TSNARE1: variants seen among roughly 807,000 people sequenced by gnomAD.
TSNARE1 encodes the protein t-SNARE domain containing 1.
In TSNARE1, 49 loss-of-function variants were observed where a neutral mutation model predicts 62.0. That is an observed-to-expected ratio of 0.79 (90% CI 0.63 to 1.00). The LOEUF is 1.00. Among genes scored for constraint, TSNARE1 ranks in the 50% least tolerant of loss-of-function variants. TSNARE1 has a pLI of 0.00. For missense variants in TSNARE1, 755 were observed against 700.1 expected (o/e 1.08, Z -0.88); for synonymous variants, 328 against 294.4 (o/e 1.11, Z -1.17).
rs766910756 is a variant in TSNARE1 at position 142,344,072 on chromosome 8, G to A, written c.639C>T (p.Ser213=). 80 of 1,603,458 alleles carry A rather than the reference G, an allele frequency of 5.0e-5. 1 individual carries two copies. Among genetic ancestry groups the A allele is most frequent in the Middle Eastern group, 1.7e-4 (1 of 6,050 alleles). Residue 213 remains serine, a synonymous_variant, in exon 4 of 14, where the codon TCC becomes TCT. Coordinates refer to ENST00000524325, the MANE Select transcript of TSNARE1 (RefSeq NM_145003.5). ...TGAGAGCCAGGGCCTGGGGCTTGCCGGAACCAGGGCTGGGGCCATGGGCCG... is the reference window on the plus strand; with the variant it reads ...TGAGAGCCAGGGCCTGGGGCTTGCCAGAACCAGGGCTGGGGCCATGGGCCG... ...RKAAHGPSPG[S]GKPQALALTP... is the part of the protein sequence containing the mutation.
At chr8:142,240,960 G>A (rs1586824656) in intron 12 of TSNARE1, among the ~76,000 whole-genome samples, 1 of 152,242 alleles carries the variant, frequency 6.6e-6, no homozygotes, top group South Asian at 2.1e-4. Context: ...TCAGGAACAA[G>A]ACAAGGGTGC....
At chr8:142,311,102 G>A (rs369374444) in intron 9 of TSNARE1, among the ~76,000 whole-genome samples, 253 of 151,408 alleles carry the variant, frequency 1.7e-3, no homozygotes, top group African/African-American at 5.8e-3. Flanking sequence ...CACCTGCCTC[G>A]GCCTCCCAAA....
intron 1 of TSNARE1, among the ~76,000 whole-genome samples, chr8:142,381,802 C>T (rs1050903142): frequency 2.6e-5 from 4 of 152,212 alleles, no homozygotes; most frequent in Non-Finnish European, 4.4e-5. Flanking sequence ...GCGTCCTGGG[C>T]CAGCCCCTAA....
chr8:142,368,463 T>TG (rs11418668), intron 1 of TSNARE1, among the ~76,000 whole-genome samples: 29,832 of 152,152 alleles, frequency 0.2, 3,177 homozygotes, highest in East Asian at 0.36. Context: ...CGAAAAGGCC[T>TG]GTCTCATCAG....
intron 2 of TSNARE1, among the ~76,000 whole-genome samples, chr8:142,350,782 T>C (rs1397240363): frequency 1.3e-5 from 2 of 152,124 alleles, no homozygotes; most frequent in Non-Finnish European, 2.9e-5. Context: ...CAAAAATCAA[T>C]TACACCACAC....
intron 1 of TSNARE1, among the ~76,000 whole-genome samples, chr8:142,371,079 TAAG>T (rs537614165): frequency 1.3e-5 from 2 of 152,214 alleles, no homozygotes; most frequent in African/African-American, 2.4e-5. Context: ...ATTCAAAGAA[TAAG>T]GAGGGAATAT....
At chr8:142,220,183 G>A (rs1362096664) in intron 13 of TSNARE1, among the ~76,000 whole-genome samples, 8 of 152,320 alleles carry the variant, frequency 5.3e-5, no homozygotes, top group South Asian at 2.1e-4. Context: ...GCTAGACACC[G>A]GGTGGGCTGC....
intron 11 of TSNARE1, chr8:142,276,125 C>T (rs78527426): frequency 0.12 from 117,259 of 985,384 alleles, 7,444 homozygotes; most frequent in Non-Finnish European, 0.13. Flanking sequence ...CCCTGATCGC[C>T]GCATCTGGGG....
chr8:142,283,710 A>G (rs1586534052), intron 11 of TSNARE1, among the ~76,000 whole-genome samples: 1 of 151,480 alleles, frequency 6.6e-6, no homozygotes, highest in Non-Finnish European at 1.5e-5. Context: ...AGGCGGGGCC[A>G]GTGTCTGTCA....
chr8:142,301,902 C>T (rs1191465745), intron 9 of TSNARE1, among the ~76,000 whole-genome samples: 3 of 152,254 alleles, frequency 2.0e-5, no homozygotes, highest in Non-Finnish European at 4.4e-5. Flanking sequence ...CCGTGGGGCT[C>T]TGCAGCAGCG....
Position 142,271,167 on chromosome 8 carries a change from A to T in TSNARE1, c.1446+3614T>A, listed in dbSNP as rs7014279. 5.1e-6 allele frequency: 5 copies of T among 988,634 alleles called. No individual in the cohort carries two copies. The South Asian group carries it at 1.9e-4, about 37-fold the overall frequency. The allele number at this position is 988,634 out of a possible 1,614,324, so 61.2% of individuals were successfully genotyped here. ...TGGGTGCCCTTGGGGCTGTCCTGGG[A>T]GCCTCCAGCAGGCCCCTGGGCCACT... On this transcript the variant is annotated intron_variant, in intron 12 of 13. Coordinates refer to ENST00000524325, the MANE Select transcript of TSNARE1 (RefSeq NM_145003.5).
chr8:142,291,945 G>T lies in TSNARE1; in HGVS notation c.1291-7460C>A, dbSNP rs934614598. Among the ~76,000 whole-genome samples, 2 of 151,944 alleles carry T rather than the reference G, an allele frequency of 1.3e-5. No individual in the cohort carries two copies. The highest frequency in any genetic ancestry group is 2.4e-5 in the African/African-American group (1 of 41,352). On this transcript the variant is annotated intron_variant, in intron 10 of 13. Transcript: ENST00000524325. This position sits in a 1 kb window ranked among gnomAD's most constrained non-coding sequence, Gnocchi z 4.8. ...GGGGTCAGCTGCCTCTCCCGTGGACGGTCACAGCAACGCACGCCCCCCCCG... is the reference window on the plus strand; with the variant it reads ...GGGGTCAGCTGCCTCTCCCGTGGACTGTCACAGCAACGCACGCCCCCCCCG...
chr8:142,264,366 C>A (rs1370055274), intron 12 of TSNARE1, among the ~76,000 whole-genome samples: 1 of 152,192 alleles, frequency 6.6e-6, no homozygotes, highest in African/African-American at 2.4e-5. Context: ...TGGTCAAAAT[C>A]TGGAAATATT....
At chr8:142,231,958 T>C (rs1054254209) in intron 12 of TSNARE1, among the ~76,000 whole-genome samples, 2 of 152,192 alleles carry the variant, frequency 1.3e-5, no homozygotes, top group African/African-American at 4.8e-5. Context: ...CCCACACTCC[T>C]GAGACGGAGC....
At chr8:142,224,842 G>C (rs1213028899) in intron 13 of TSNARE1, among the ~76,000 whole-genome samples, 2 of 152,164 alleles carry the variant, frequency 1.3e-5, no homozygotes, top group Admixed American at 6.5e-5. Context: ...TGGTGGGTCT[G>C]GGCAGAGCAG....
In TSNARE1 at chr8:142,278,127, C is replaced by A. The variant is rs529877976; in HGVS notation, c.1364-3264G>T. On this transcript the variant is annotated intron_variant, in intron 11 of 13. Transcript: ENST00000524325. ...AGGAGGCCCACTGACCAGGCCCATC[C>A]CCCAAGCCCCACCACAAGGCCTAGT... 1.4e-4 allele frequency: 140 copies of A among 985,292 alleles called. No homozygotes were observed. The African/African-American group carries it at 2.2e-3, about 15-fold the overall frequency. The allele number at this position is 985,292 out of a possible 1,614,324, so 61.0% of individuals were successfully genotyped here.
At chr8:142,230,022 C>A (rs922949779) in intron 12 of TSNARE1, among the ~76,000 whole-genome samples, 1 of 152,206 alleles carries the variant, frequency 6.6e-6, no homozygotes, top group African/African-American at 2.4e-5. Context: ...CTGGCGAATG[C>A]CAGACATATA....
intron 12 of TSNARE1, among the ~76,000 whole-genome samples, chr8:142,235,071 G>GC (rs1255404091): frequency 6.6e-6 from 1 of 152,192 alleles, no homozygotes; most frequent in Non-Finnish European, 1.5e-5. Context: ...CGCCAGCACA[G>GC]CCCACAGGGA....
chr8:142,329,852 C>G (rs1180678108), intron 6 of TSNARE1, among the ~76,000 whole-genome samples: 1 of 152,202 alleles, frequency 6.6e-6, no homozygotes, highest in Non-Finnish European at 1.5e-5. Context: ...AAAAAAAAGG[C>G]TAAGAATAGA....
Sources: gnomAD v4.1 joint callset for allele counts (sites outside exome capture counted in the v4.1 genomes callset) on GRCh38, gnomAD v4.1.1 for gene constraint, Gnocchi (gnomAD v3.1) non-coding constraint, MANE v1.5 for transcripts, NCBI Gene and HGNC (gene_info 2026-07-23, HGNC 2026-07-21) for gene names.